CFAP299: variants seen among roughly 807,000 people sequenced by gnomAD.
CFAP299 encodes cilia- and flagella-associated protein 299.
Under a neutral mutation model 27.0 loss-of-function variants are expected in CFAP299, and 21 were observed. The observed-to-expected ratio is 0.78, with a 90% CI of 0.55 to 1.12. The LOEUF (loss-of-function observed/expected upper bound fraction) is 1.12. CFAP299 is among the 50% of genes most tolerant of loss of function. The pLI is 0.00. For synonymous variants in CFAP299, 104 were observed against 98.1 expected (o/e 1.06, Z -0.36); for missense variants, 310 against 276.6 (o/e 1.12, Z -0.86).
At chr4:80,511,737 C>T (rs1732312927) in intron 2 of CFAP299, among the ~76,000 whole-genome samples, 2 of 152,068 alleles carry the variant, frequency 1.3e-5, no homozygotes, top group South Asian at 4.1e-4. Context: ...ACCCCAGGGC[C>T]ATCATATGAC....
chr4:80,362,342 CTTT>C (rs75126928), intron 1 of CFAP299, among the ~76,000 whole-genome samples: 1 of 136,366 alleles, frequency 7.3e-6, no homozygotes, highest in Non-Finnish European at 1.6e-5. Context: ...CAGCTTGGTT[CTTT>C]TTTTTTTTTG....
In CFAP299 at chr4:80,672,944, C is replaced by CAA. The variant is rs56871831; in HGVS notation, c.333+89772_333+89773dup. On this transcript the variant is annotated intron_variant, in intron 3 of 5. Transcript: ENST00000358105. ...GGTCTATCAATTTTGTTGATCTTTT[C>CAA]AAAAAAAAAAAACAGCTCCTGGATT... 6.4e-3 allele frequency among the ~76,000 whole-genome samples: 927 copies of CAA among 144,376 alleles called. 6 individuals are homozygous for CAA. Among genetic ancestry groups the CAA allele is most frequent in the South Asian group, 0.014 (66 of 4,554 alleles). 94.7% of individuals were successfully genotyped at this position (144,376 alleles called of 152,430 possible).
At chr4:80,786,726 A>G (rs1431966176) in intron 3 of CFAP299, among the ~76,000 whole-genome samples, 1 of 152,092 alleles carries the variant, frequency 6.6e-6, no homozygotes, top group Admixed American at 6.6e-5. Context: ...TCTTAAAATG[A>G]GAGAATGCTA....
intron 3 of CFAP299, among the ~76,000 whole-genome samples, chr4:80,589,343 A>G (rs916491433): frequency 2.4e-4 from 37 of 152,176 alleles, no homozygotes; most frequent in African/African-American, 8.7e-4. Context: ...AAACTCATCC[A>G]TGGAAAACAT....
At chr4:80,689,902 G>C (rs1299694509) in intron 3 of CFAP299, among the ~76,000 whole-genome samples, 1 of 151,808 alleles carries the variant, frequency 6.6e-6, no homozygotes, top group Non-Finnish European at 1.5e-5. Context: ...CCTAGTCTCT[G>C]ATAAAACAGA....
chr4:80,626,426 A>G (rs1036700826), intron 3 of CFAP299, among the ~76,000 whole-genome samples: 11 of 151,906 alleles, frequency 7.2e-5, no homozygotes, highest in African/African-American at 2.4e-4. Context: ...TGACATTACA[A>G]AAGGTAAAAG....
At chr4:80,761,970 A>C (rs1323784068) in intron 3 of CFAP299, among the ~76,000 whole-genome samples, 1 of 152,076 alleles carries the variant, frequency 6.6e-6, no homozygotes, top group African/African-American at 2.4e-5. Flanking sequence ...GAAGAATAAA[A>C]AATACAAAAA....
Position 80,759,324 on chromosome 4 carries a change from G to A in CFAP299, c.334-110669G>A, listed in dbSNP as rs538196202. On this transcript the variant is annotated intron_variant, in intron 3 of 5. Coordinates refer to ENST00000358105, the MANE Select transcript of CFAP299 (RefSeq NM_152770.3). ...GTGTACAATAACTACATGGCAAAATGTATATTAGGTAAGGTTATAGGAAAC... is the reference window on the plus strand; with the variant it reads ...GTGTACAATAACTACATGGCAAAATATATATTAGGTAAGGTTATAGGAAAC... Among the ~76,000 whole-genome samples, 4 of 152,246 alleles carry A rather than the reference G, an allele frequency of 2.6e-5. No individual in the cohort carries two copies. The South Asian group carries it at 8.3e-4, about 32-fold the overall frequency.
In CFAP299 at chr4:80,581,429, G is replaced by GAT. The variant is rs1327484531; in HGVS notation, c.243-1654_243-1653dup. Among the ~76,000 whole-genome samples, 99 of 121,392 alleles carry GAT rather than the reference G, an allele frequency of 8.2e-4. 3 individuals carry two copies. The highest frequency in any genetic ancestry group is 7.2e-3 in the South Asian group (26 of 3,608). The allele number at this position is 121,392 out of a possible 152,430, so 79.6% of individuals were successfully genotyped here. ...ATATTTAGGTTTTTTATTATTAAGT[G>GAT]ATATATATATAGATATTAAGTGAGA... On this transcript the variant is annotated intron_variant, in intron 2 of 5. Transcript: ENST00000358105.
chr4:80,800,886 C>G (rs78793022), intron 3 of CFAP299, among the ~76,000 whole-genome samples: 4,795 of 149,274 alleles, frequency 0.032, 124 homozygotes, highest in Admixed American at 0.062. Context: ...GAGAACCAGT[C>G]TGAGTCCCAA....
intron 2 of CFAP299, among the ~76,000 whole-genome samples, chr4:80,499,787 C>G (rs1011404673): frequency 6.6e-6 from 1 of 151,940 alleles, no homozygotes; most frequent in African/African-American, 2.4e-5. Flanking sequence ...CTAGGATAAG[C>G]ACTGAGCATT....
intron 3 of CFAP299, among the ~76,000 whole-genome samples, chr4:80,866,233 G>A (rs948703204): frequency 1.3e-5 from 2 of 150,924 alleles, no homozygotes; most frequent in Middle Eastern, 3.4e-3. Context: ...TAGAAGCTTA[G>A]GTTTAAAAAA....
At position 80,917,876 on chromosome 4, in the gene CFAP299, C is replaced by T. The variant is rs544707167; in HGVS notation, c.477-26934C>T. On this transcript the variant is annotated intron_variant, in intron 4 of 5. Transcript: ENST00000358105. Reference sequence around the variant, plus strand: ...CAATGTTGCTTCTCTAATTATTAAGCGAAGACATAAATTATTGTATTCTAG... The same window carrying T: ...CAATGTTGCTTCTCTAATTATTAAGTGAAGACATAAATTATTGTATTCTAG... 2.8e-4 allele frequency among the ~76,000 whole-genome samples: 42 copies of T among 152,076 alleles called. No individual in the cohort carries two copies. The East Asian group carries it at 7.4e-3, about 27-fold the overall frequency.
chr4:80,943,794 C>T (rs911782188), intron 4 of CFAP299, among the ~76,000 whole-genome samples: 1 of 152,044 alleles, frequency 6.6e-6, no homozygotes, highest in Admixed American at 6.6e-5. Context: ...ATGGGCTGGG[C>T]ATAGTGGCTC....
At chr4:80,397,536 C>T (rs1725871498) in intron 2 of CFAP299, among the ~76,000 whole-genome samples, 1 of 152,140 alleles carries the variant, frequency 6.6e-6, no homozygotes, top group Non-Finnish European at 1.5e-5. Flanking sequence ...AAATTTCCCT[C>T]TACACACTGC....
At chr4:80,563,115 C>T (rs1166464594) in intron 2 of CFAP299, among the ~76,000 whole-genome samples, 1 of 152,066 alleles carries the variant, frequency 6.6e-6, no homozygotes. Context: ...TTCAACACCA[C>T]ACTTTCAGCA....
intron 2 of CFAP299, 104 bp downstream of exon 2, chr4:80,362,988 G>A: frequency 7.9e-7 from 1 of 1,273,376 alleles, no homozygotes; most frequent in Non-Finnish European, 1.0e-6. Context: ...GGGTGGAGCA[G>A]GTAAAACTTG....
chr4:80,918,617 A>G (rs1735879971), intron 4 of CFAP299, among the ~76,000 whole-genome samples: 1 of 152,132 alleles, frequency 6.6e-6, no homozygotes, highest in South Asian at 2.1e-4. Flanking sequence ...TGATAACTAA[A>G]ATATATTTAT....
chr4:80,374,858 A>G (rs754342289), intron 2 of CFAP299, among the ~76,000 whole-genome samples: 2 of 152,080 alleles, frequency 1.3e-5, no homozygotes, highest in Non-Finnish European at 2.9e-5. Flanking sequence ...ATCCCAGCTT[A>G]AAACATATGA....
Sources: gnomAD v4.1 joint callset for allele counts (sites outside exome capture counted in the v4.1 genomes callset) on GRCh38, gnomAD v4.1.1 for gene constraint, MANE v1.5 for transcripts, NCBI Gene and HGNC (gene_info 2026-07-23, HGNC 2026-07-21) for gene names.